RASAL2: variants seen among roughly 807,000 people sequenced by gnomAD.
The protein encoded by RASAL2 is ras GTPase-activating protein nGAP.
RASAL2 carries 58 observed loss-of-function variants against 128.9 expected under a neutral mutation model. That is an observed-to-expected ratio of 0.45 (90% CI 0.36 to 0.56). The LOEUF (loss-of-function observed/expected upper bound fraction) is 0.56. Among genes scored for constraint, RASAL2 ranks in the 20% least tolerant of loss-of-function variants. The probability of loss-of-function intolerance (pLI) is 0.00; values close to 1 mark genes in which losing one functional copy is unlikely to be tolerated. For missense variants in RASAL2, 1,360 were observed against 1,601.6 expected, an observed-to-expected ratio of 0.85 and a Z score of 2.57; for synonymous variants, 561 against 580.8, an observed-to-expected ratio of 0.97 and a Z score of 0.49.
chr1:178,228,441 G>A (rs1012989913), intron 1 of RASAL2, among the ~76,000 whole-genome samples: 1 of 151,998 alleles, frequency 6.6e-6, no homozygotes, highest in African/African-American at 2.4e-5. Flanking sequence ...AAATTAGCCG[G>A]GTGTGGTGGC....
intron 1 of RASAL2, among the ~76,000 whole-genome samples, chr1:178,156,198 T>C (rs1661079636): frequency 6.6e-6 from 1 of 152,208 alleles, no homozygotes; most frequent in Non-Finnish European, 1.5e-5. Context: ...TACTCAGTAT[T>C]TGCTGCTGAA....
intron 1 of RASAL2, among the ~76,000 whole-genome samples, chr1:178,259,353 G>A (rs936406699): frequency 4.0e-5 from 6 of 151,838 alleles, no homozygotes; most frequent in East Asian, 1.9e-4. Context: ...GGATGGTCTC[G>A]ATCTCCTGAC....
rs571878505 is a variant in RASAL2, at chr1:178,447,517, T to C, written c.1627+1855T>C. Among the ~76,000 whole-genome samples, 4 of 146,046 alleles carry C rather than the reference T, an allele frequency of 2.7e-5. No individual in the cohort carries two copies. In the East Asian group the frequency reaches 8.4e-4, roughly 31 times the overall value. The stretch of plus-strand genomic sequence containing the variant: ...GCTGAAACCCCATCTCTACTAAAAA[T>C]ACAAAAATTAGCCAGGCATGGTGGC... On this transcript the variant is annotated intron_variant, in intron 9 of 17. Transcript: ENST00000367649.
chr1:178,123,211 ATCTCCTG>A (rs893577952), intron 1 of RASAL2: 11 of 152,154 alleles, frequency 7.2e-5, no homozygotes, highest in African/African-American at 2.7e-4. Context: ...AAAAGTCGAG[ATCTCCTG>A]ACATAGAACA....
At chr1:178,262,328 G>A (rs754709716) in intron 1 of RASAL2, among the ~76,000 whole-genome samples, 2 of 151,684 alleles carry the variant, frequency 1.3e-5, no homozygotes, top group Non-Finnish European at 2.9e-5. Flanking sequence ...TTTCAGTGAC[G>A]TCATACAATT....
chr1:178,460,630 A>T (rs1678124164), intron 14 of RASAL2, among the ~76,000 whole-genome samples: 1 of 152,200 alleles, frequency 6.6e-6, no homozygotes, highest in Non-Finnish European at 1.5e-5. Context: ...GAAGTGGGGT[A>T]CAGGCACAGT....
At chr1:178,380,949 A>G (rs1004391148) in intron 3 of RASAL2, among the ~76,000 whole-genome samples, 1 of 152,178 alleles carries the variant, frequency 6.6e-6, no homozygotes. Flanking sequence ...GAAATCAAAG[A>G]AATGTGAGTA....
At chr1:178,461,956 C>T (rs965071705) in intron 14 of RASAL2, among the ~76,000 whole-genome samples, 2 of 152,180 alleles carry the variant, frequency 1.3e-5, no homozygotes, top group African/African-American at 2.4e-5. Flanking sequence ...CTCTTTTGCC[C>T]TAAAGCGTTA....
intron 1 of RASAL2, among the ~76,000 whole-genome samples, chr1:178,164,457 A>C (rs1045433760): frequency 1.3e-5 from 2 of 151,528 alleles, no homozygotes; most frequent in Admixed American, 6.6e-5. Context: ...GCATCTCAGC[A>C]AGAATTACAA....
chr1:178,094,276 G>T lies in RASAL2; in HGVS notation c.-217G>T. ...GGGGCCACGCTGGATCCTCCTCCCG[G>T]CCTGGGTCCCGCCCGCCGACTGCAG... On this transcript the variant is annotated 5_prime_UTR_variant, in exon 1 of 18. Coordinates refer to ENST00000367649, the MANE Select transcript of RASAL2 (RefSeq NM_170692.4). 1 of 541,342 alleles carries T rather than the reference G, an allele frequency of 1.8e-6. No individual in the cohort carries two copies. The allele number at this position is 541,342 out of a possible 1,614,324, so 33.5% of individuals were successfully genotyped here. A position where few individuals can be genotyped will look rare whatever the true frequency, so the allele number is the denominator to read the frequency against.
chr1:178,257,486 A>G (rs775058094), intron 1 of RASAL2, among the ~76,000 whole-genome samples: 2 of 151,294 alleles, frequency 1.3e-5, no homozygotes, highest in South Asian at 2.1e-4. Context: ...TAATAAAACT[A>G]ATTGATTTTC....
intron 1 of RASAL2, 107 bp downstream of exon 1, chr1:178,094,801 C>A: frequency 7.6e-7 from 1 of 1,310,374 alleles, no homozygotes; most frequent in Non-Finnish European, 1.0e-6. Context: ...CGTGCTAGGT[C>A]AGTTTCCCAC....
At chr1:178,273,784 A>G (rs1666367969) in intron 1 of RASAL2, among the ~76,000 whole-genome samples, 1 of 152,206 alleles carries the variant, frequency 6.6e-6, no homozygotes, top group Admixed American at 6.5e-5. Flanking sequence ...AAAGAGAAAA[A>G]CTAAATGCTG....
rs200932615 is a variant in RASAL2, at chr1:178,164,823, TTGTGTGTGTGTGTGTG to T, written c.202+70157_202+70172del. 1.0e-3 allele frequency among the ~76,000 whole-genome samples: 134 copies of T among 132,000 alleles called. No homozygotes were observed. The South Asian group carries it at 0.011, about 11-fold the overall frequency. The allele number at this position is 132,000 out of a possible 152,430, so 86.6% of individuals were successfully genotyped here. On this transcript the variant is annotated intron_variant, in intron 1 of 17. Transcript: ENST00000367649. ...AACATACGCTTTGTTCATCAAACGT[TTGTGTGTGTGTGTGTG>T]TGTGTGTGTGTGTGTGTGTGTGTGT...
chr1:178,247,606 G>A (rs1400075835), intron 1 of RASAL2, among the ~76,000 whole-genome samples: 2 of 151,924 alleles, frequency 1.3e-5, no homozygotes, highest in South Asian at 4.2e-4. Flanking sequence ...ATTGCCTTCT[G>A]CTGGCTTTTG....
At chr1:178,411,165 TACACACACACACAC>T (rs138482764) in intron 4 of RASAL2, among the ~76,000 whole-genome samples, 2 of 149,562 alleles carry the variant, frequency 1.3e-5, no homozygotes, top group Non-Finnish European at 3.0e-5. Context: ...TGTGTGTGTG[TACACACACACACAC>T]ACACACACAC....
intron 14 of RASAL2, among the ~76,000 whole-genome samples, chr1:178,458,932 C>T (rs1005545946): frequency 2.6e-5 from 4 of 152,048 alleles, no homozygotes; most frequent in Admixed American, 6.5e-5. Context: ...CTTAAGCTTC[C>T]AGAATAAAGG....
intron 3 of RASAL2, among the ~76,000 whole-genome samples, chr1:178,329,181 G>C (rs1361215892): frequency 6.6e-6 from 1 of 152,178 alleles, no homozygotes; most frequent in African/African-American, 2.4e-5. Flanking sequence ...ATACCGCATG[G>C]TGATAAATGC....
intron 1 of RASAL2, among the ~76,000 whole-genome samples, chr1:178,130,520 AAGTT>A (rs1381094699): frequency 2.0e-5 from 3 of 152,098 alleles, no homozygotes; most frequent in East Asian, 1.9e-4. Flanking sequence ...TATTGTGTAC[AAGTT>A]AGTTCTTGAA....
Sources: gnomAD v4.1 joint callset for allele counts (sites outside exome capture counted in the v4.1 genomes callset) on GRCh38, gnomAD v4.1.1 for gene constraint, MANE v1.5 for transcripts, NCBI Gene and HGNC (gene_info 2026-07-23, HGNC 2026-07-21) for gene names.